KIRREL3: variants seen among roughly 807,000 people sequenced by gnomAD.
KIRREL3 encodes kin of IRRE-like protein 3.
Under a neutral mutation model 89.7 loss-of-function variants are expected in KIRREL3, and 36 were observed. The ratio of observed to expected loss-of-function variants is 0.40; its 90% confidence interval spans 0.31 to 0.53. The LOEUF is 0.53. Ranked by LOEUF, KIRREL3 falls within the 20% of genes least tolerant of loss-of-function variation. The pLI, the probability that KIRREL3 is intolerant of heterozygous loss-of-function variation, is 0.49. For missense variants in KIRREL3, 864 were observed against 1,056.6 expected (o/e 0.82, Z 2.53); for synonymous variants, 445 against 441.4 (o/e 1.01, Z -0.10).
chr11:126,503,911 T>A (rs966886091), intron 4 of KIRREL3, among the ~76,000 whole-genome samples: 1 of 151,806 alleles, frequency 6.6e-6, no homozygotes, highest in African/African-American at 2.4e-5. Context: ...TAACTCAAAC[T>A]TCCAGGCTCC....
chr11:126,845,351 G>A (rs1175000856), intron 1 of KIRREL3, among the ~76,000 whole-genome samples: 1 of 152,124 alleles, frequency 6.6e-6, no homozygotes, highest in Admixed American at 6.5e-5. Flanking sequence ...CTCTCTCTTT[G>A]TGCAAACTGG....
intron 2 of KIRREL3, among the ~76,000 whole-genome samples, chr11:126,529,494 C>T (rs991729736): frequency 1.3e-5 from 2 of 151,910 alleles, no homozygotes; most frequent in African/African-American, 4.8e-5. Flanking sequence ...GGGGGAGCAT[C>T]TCCCGATGCC....
rs1946849597 is a variant in KIRREL3 at position 126,912,177 on chromosome 11, T to G, written c.55+88278A>C. Among the ~76,000 whole-genome samples, 1 of 151,900 alleles carries G rather than the reference T, an allele frequency of 6.6e-6. No homozygotes were observed. Among genetic ancestry groups the G allele is most frequent in the Non-Finnish European group, 1.5e-5 (1 of 68,002 alleles). The stretch of plus-strand genomic sequence containing the variant: ...GACAGCGCAGTGACCAACCCTCTTT[T>G]CAGAAGGACAAAGTGGAATGAAAGC... On this transcript the variant is annotated intron_variant, in intron 1 of 16. Coordinates refer to ENST00000525144, the MANE Select transcript of KIRREL3 (RefSeq NM_032531.4). The surrounding 1 kb of genome is among the most constrained non-coding windows in gnomAD (Gnocchi z 4.7).
In KIRREL3 at chr11:126,814,168, T is replaced by G. The variant is rs1951483965; in HGVS notation, c.55+186287A>C. 6.6e-6 allele frequency among the ~76,000 whole-genome samples: 1 copy of G among 151,898 alleles called. No homozygotes were observed. The highest frequency in any genetic ancestry group is 2.1e-4 in the South Asian group (1 of 4,826). Reference sequence around the variant, plus strand: ...TATATGAAAAAAAGCTTAACATCACTGATCATTAGATAAATGCAAATAAAA... The same window carrying G: ...TATATGAAAAAAAGCTTAACATCACGGATCATTAGATAAATGCAAATAAAA... On this transcript the variant is annotated intron_variant, in intron 1 of 16. Transcript: ENST00000525144. The surrounding 1 kb of genome is among the most constrained non-coding windows in gnomAD (Gnocchi z 4.4).
rs1278869966 is a variant in KIRREL3 at position 126,607,304 on chromosome 11, G to A, written c.56-44392C>T. Among the ~76,000 whole-genome samples, 1 of 152,258 alleles carries A rather than the reference G, an allele frequency of 6.6e-6. No homozygotes were observed. The highest frequency in any genetic ancestry group is 2.4e-5 in the African/African-American group (1 of 41,466). Reference sequence around the variant, plus strand: ...CGAGGAAGTCGCCATAACACATTTGGTGTGGTTTTGGGCAGACAGAACGGG... The same window carrying A: ...CGAGGAAGTCGCCATAACACATTTGATGTGGTTTTGGGCAGACAGAACGGG... On this transcript the variant is annotated intron_variant, in intron 1 of 16. Transcript: ENST00000525144. The surrounding 1 kb of genome is among the most constrained non-coding windows in gnomAD (Gnocchi z 6.6).
At position 126,454,299 on chromosome 11, in the gene KIRREL3, T is replaced by G. The variant is rs1591564787; in HGVS notation, c.848+2050A>C. On this transcript the variant is annotated intron_variant, in intron 7 of 16. Coordinates refer to ENST00000525144, the MANE Select transcript of KIRREL3 (RefSeq NM_032531.4). The surrounding 1 kb of genome is among the most constrained non-coding windows in gnomAD (Gnocchi z 5.8). ...TGGGTGGGGGAGGCAGGCCTGGGGG[T>G]GGAGGGGTCAGGTCCCAGGGCGTGC... Among the ~76,000 whole-genome samples the G allele has an allele frequency of 1.3e-5, 2 of 148,846 alleles. No individual in the cohort carries two copies. The highest frequency in any genetic ancestry group is 1.5e-5 in the Non-Finnish European group (1 of 67,238).
rs1196559156 is a variant in KIRREL3, at chr11:126,496,752, G to A, written c.434-23286C>T. 6.6e-6 allele frequency among the ~76,000 whole-genome samples: 1 copy of A among 152,124 alleles called. No individual in the cohort carries two copies. The highest frequency in any genetic ancestry group is 6.5e-5 in the Admixed American group (1 of 15,274). On this transcript the variant is annotated intron_variant, in intron 4 of 16. Transcript: ENST00000525144. This position sits in a 1 kb window ranked among gnomAD's most constrained non-coding sequence, Gnocchi z 4.9. Reference sequence around the variant, plus strand: ...TTGGAGGGCCTGCGTGCGAACTCAAGGCCTGAGGCTGTAGGCAGGGAGTCA... The same window carrying A: ...TTGGAGGGCCTGCGTGCGAACTCAAAGCCTGAGGCTGTAGGCAGGGAGTCA...
intron 1 of KIRREL3, among the ~76,000 whole-genome samples, chr11:126,828,706 G>A (rs1471229495): frequency 6.6e-6 from 1 of 152,162 alleles, no homozygotes; most frequent in Non-Finnish European, 1.5e-5. Flanking sequence ...CCTGATCAAT[G>A]GCAGCTTCTG....
At position 126,492,474 on chromosome 11, in the gene KIRREL3, C is replaced by T. The variant is rs112398249; in HGVS notation, c.434-19008G>A. On this transcript the variant is annotated intron_variant, in intron 4 of 16. Transcript: ENST00000525144. The surrounding 1 kb of genome is among the most constrained non-coding windows in gnomAD (Gnocchi z 4.8). ...TCCCTGCTCCCAGTTAGCCCCTGTC[C>T]GTCCAGTTCTGAGAGGTGTTTCTAT... 1.3e-5 allele frequency among the ~76,000 whole-genome samples: 2 copies of T among 152,192 alleles called. No homozygotes were observed. The highest frequency in any genetic ancestry group is 2.4e-5 in the African/African-American group (1 of 41,528).
intron 1 of KIRREL3, among the ~76,000 whole-genome samples, chr11:126,690,701 A>G (rs1946845941): frequency 6.6e-6 from 1 of 152,198 alleles, no homozygotes; most frequent in Admixed American, 6.5e-5. Context: ...TGAACCAGCT[A>G]AGGACAAGGC....
rs1413881379 is a variant in KIRREL3 at position 126,710,451 on chromosome 11, A to T, written c.56-147539T>A. Among the ~76,000 whole-genome samples the T allele has an allele frequency of 6.6e-6, 1 of 152,218 alleles. No individual in the cohort carries two copies. The highest frequency in any genetic ancestry group is 1.9e-4 in the East Asian group (1 of 5,200). ...TAGCTTCCCACGACTGTTCAATAGC[A>T]TTCAAGTAACCCTTCATGGCATGCC... On this transcript the variant is annotated intron_variant, in intron 1 of 16. Transcript: ENST00000525144. This position sits in a 1 kb window ranked among gnomAD's most constrained non-coding sequence, Gnocchi z 4.2.
In KIRREL3 at chr11:126,731,663, TCCCAAGCTATGCTCA is replaced by T. The variant is rs1394580106; in HGVS notation, c.56-168766_56-168752del. Among the ~76,000 whole-genome samples the T allele has an allele frequency of 2.0e-5, 3 of 152,224 alleles. No homozygotes were observed. In the East Asian group the frequency reaches 5.8e-4, roughly 29 times the overall value. On this transcript the variant is annotated intron_variant, in intron 1 of 16. Transcript: ENST00000525144. ...AGGACTGGCATTCAGGTCTTTGGAC[TCCCAAGCTATGCTCA>T]CCTCATCAGACCTGATGGCTCTAAG...
chr11:126,463,450 C>T lies in KIRREL3; in HGVS notation c.592-143G>A. 1.2e-6 allele frequency: 1 copy of T among 806,848 alleles called. No homozygotes were observed. The highest frequency in any genetic ancestry group is 1.9e-6 in the Non-Finnish European group (1 of 524,140). The allele number at this position is 806,848 out of a possible 1,614,324, so 50.0% of individuals were successfully genotyped here. A position where few individuals can be genotyped will look rare whatever the true frequency, so the allele number is the denominator to read the frequency against. The stretch of plus-strand genomic sequence containing the variant: ...TTCAGCTTAGGAGACCTGGGCTGCC[C>T]ATGTCTACGCAGAGCTCGGGGGTTA... On this transcript the variant is annotated intron_variant, in intron 5 of 16. Coordinates refer to ENST00000525144, the MANE Select transcript of KIRREL3 (RefSeq NM_032531.4). The surrounding 1 kb of genome is among the most constrained non-coding windows in gnomAD (Gnocchi z 5.9).
At chr11:126,458,419 T>C (rs2134240897) in intron 6 of KIRREL3, among the ~76,000 whole-genome samples, 1 of 152,060 alleles carries the variant, frequency 6.6e-6, no homozygotes, top group South Asian at 2.1e-4. Flanking sequence ...AGTCATACAG[T>C]CATGCACTCA....
Position 126,652,834 on chromosome 11 carries a change from T to G in KIRREL3, c.56-89922A>C, listed in dbSNP as rs768928596. 7.2e-5 allele frequency: 11 copies of G among 152,188 alleles called. No individual in the cohort carries two copies. Among genetic ancestry groups the G allele is most frequent in the Non-Finnish European group, 1.6e-4 (11 of 68,026 alleles). The allele number at this position is 152,188 out of a possible 1,614,324, so 9.4% of individuals were successfully genotyped here. A position where few individuals can be genotyped will look rare whatever the true frequency, so the allele number is the denominator to read the frequency against. On this transcript the variant is annotated intron_variant, in intron 1 of 16. Coordinates refer to ENST00000525144, the MANE Select transcript of KIRREL3 (RefSeq NM_032531.4). The surrounding 1 kb of genome is among the most constrained non-coding windows in gnomAD (Gnocchi z 4.9). ...CTTTCCTCCCTGAGATCTTCCTCCG[T>G]GAACCAACAACAAAAGGACCAGCCA... is the stretch of plus-strand genomic sequence containing the variant.
chr11:126,892,399 T>A lies in KIRREL3; in HGVS notation c.55+108056A>T, dbSNP rs536862286. Among the ~76,000 whole-genome samples, 2 of 152,302 alleles carry A rather than the reference T, an allele frequency of 1.3e-5. No homozygotes were observed. Among genetic ancestry groups the A allele is most frequent in the South Asian group, 4.1e-4 (2 of 4,826 alleles). On this transcript the variant is annotated intron_variant, in intron 1 of 16. Transcript: ENST00000525144. This position sits in a 1 kb window ranked among gnomAD's most constrained non-coding sequence, Gnocchi z 5.4. The stretch of plus-strand genomic sequence containing the variant: ...GGTTTGTAAGTTTTATGACTCGATT[T>A]TAATCTGTACCATTTAGGATATGCT...
At position 126,431,531 on chromosome 11, in the gene KIRREL3, G is replaced by A. The variant is rs377692464; in HGVS notation, c.1589-5C>T. 161 of 1,612,928 alleles carry A rather than the reference G, an allele frequency of 1.0e-4. No homozygotes were observed. The Middle Eastern group carries it at 1.3e-3, about 13-fold the overall frequency. On this transcript the variant is annotated splice_region_variant and splice_polypyrimidine_tract_variant and intron_variant, in intron 13 of 16. Transcript: ENST00000525144. The surrounding 1 kb of genome is among the most constrained non-coding windows in gnomAD (Gnocchi z 7.1). ...TGACGGCCATCGGCACAGACTCTGT[G>A]GGAGAGAAGCGGGCACAGCTGATGA...
rs555260332 is a variant in KIRREL3 at position 126,751,940 on chromosome 11, C to T, written c.56-189028G>A. 6.6e-5 allele frequency among the ~76,000 whole-genome samples: 10 copies of T among 152,200 alleles called. No homozygotes were observed. The South Asian group carries it at 8.3e-4, about 13-fold the overall frequency. On this transcript the variant is annotated intron_variant, in intron 1 of 16. Coordinates refer to ENST00000525144, the MANE Select transcript of KIRREL3 (RefSeq NM_032531.4). ...CTGATCTCAAACTCCTGGCCTCAAG[C>T]GATCCTCCCATCTTGACCTCCCAAA...
chr11:126,861,104 T>C (rs1944688791), intron 1 of KIRREL3, among the ~76,000 whole-genome samples: 1 of 152,158 alleles, frequency 6.6e-6, no homozygotes, highest in Admixed American at 6.5e-5. Flanking sequence ...TTTGAAAACT[T>C]GTTTTGTACT....
Sources: gnomAD v4.1 joint callset for allele counts (sites outside exome capture counted in the v4.1 genomes callset) on GRCh38, gnomAD v4.1.1 for gene constraint, Gnocchi (gnomAD v3.1) non-coding constraint, MANE v1.5 for transcripts, NCBI Gene and HGNC (gene_info 2026-07-23, HGNC 2026-07-21) for gene names.